FBXL7: variants seen among roughly 807,000 people sequenced by gnomAD.
The protein encoded by FBXL7 is F-box and leucine rich repeat protein 7.
A neutral mutation model predicts 38.3 loss-of-function variants in FBXL7; 12 were observed. The ratio of observed to expected loss-of-function variants is 0.31; its 90% CI spans 0.20 to 0.51. FBXL7 has a LOEUF of 0.51. FBXL7 is among the 20% of genes least tolerant of loss of function. FBXL7 has a pLI of 0.98. For missense variants in FBXL7, 567 were observed against 676.4 expected (o/e 0.84, Z 1.79); for synonymous variants, 297 against 300.9 (o/e 0.99, Z 0.13).
chr5:15,511,655 A>G (rs775619530), intron 1 of FBXL7, among the ~76,000 whole-genome samples: 16 of 152,356 alleles, frequency 1.1e-4, no homozygotes, highest in African/African-American at 3.4e-4. Context: ...TTTGTAAATT[A>G]TAAGGCATTT....
chr5:15,825,816 A>G (rs997499084), intron 2 of FBXL7, among the ~76,000 whole-genome samples: 3 of 152,250 alleles, frequency 2.0e-5, no homozygotes, highest in African/African-American at 7.2e-5. Context: ...TTATAGCATT[A>G]GAATTCTTTA....
chr5:15,621,900 A>G (rs576835095), intron 2 of FBXL7, among the ~76,000 whole-genome samples: 64 of 152,130 alleles, frequency 4.2e-4, no homozygotes, highest in African/African-American at 1.5e-3. Context: ...GATCCAATAC[A>G]CTCATTTTTT....
intron 2 of FBXL7, among the ~76,000 whole-genome samples, chr5:15,748,042 A>C (rs558870458): frequency 2.1e-5 from 3 of 145,006 alleles, no homozygotes; most frequent in African/African-American, 7.4e-5. Flanking sequence ...TTTGCTCCCC[A>C]GGGAACACCT....
intron 2 of FBXL7, among the ~76,000 whole-genome samples, chr5:15,821,805 TTTC>T (rs1198242930): frequency 3.3e-5 from 5 of 152,172 alleles, no homozygotes; most frequent in Non-Finnish European, 4.4e-5. Context: ...AGCAGGGACT[TTTC>T]TGAGCTGTTG....
At chr5:15,571,107 A>AAG (rs920904770) in intron 1 of FBXL7, among the ~76,000 whole-genome samples, 3 of 148,208 alleles carry the variant, frequency 2.0e-5, no homozygotes, top group Non-Finnish European at 4.4e-5. Context: ...AAAAAAAAAA[A>AAG]AAAGAAAAAA....
chr5:15,584,305 C>T (rs1354749032), intron 1 of FBXL7, among the ~76,000 whole-genome samples: 2 of 152,342 alleles, frequency 1.3e-5, no homozygotes, highest in East Asian at 3.9e-4. Flanking sequence ...AATTTCTCTT[C>T]CAGAAAATGG....
chr5:15,576,814 C>T (rs962801769), intron 1 of FBXL7, among the ~76,000 whole-genome samples: 2 of 152,010 alleles, frequency 1.3e-5, no homozygotes, highest in African/African-American at 4.8e-5. Flanking sequence ...CATCTCATTA[C>T]AACAGTCATC....
chr5:15,579,891 T>A (rs1739081997), intron 1 of FBXL7, among the ~76,000 whole-genome samples: 1 of 152,178 alleles, frequency 6.6e-6, no homozygotes, highest in African/African-American at 2.4e-5. Context: ...GCCAAGCTGC[T>A]TACATGGCAG....
intron 2 of FBXL7, among the ~76,000 whole-genome samples, chr5:15,817,925 G>A (rs895262667): frequency 6.6e-6 from 1 of 152,104 alleles, no homozygotes; most frequent in African/African-American, 2.4e-5. Context: ...GCTTTCCTTA[G>A]AGCAATTCCA....
At chr5:15,568,337 C>T (rs1430029077) in intron 1 of FBXL7, among the ~76,000 whole-genome samples, 1 of 152,102 alleles carries the variant, frequency 6.6e-6, no homozygotes, top group African/African-American at 2.4e-5. Flanking sequence ...TTGCATTTCT[C>T]TGGCCAGTGA....
At chr5:15,868,458 C>G (rs1386524924) in intron 2 of FBXL7, among the ~76,000 whole-genome samples, 1 of 152,216 alleles carries the variant, frequency 6.6e-6, no homozygotes, top group Non-Finnish European at 1.5e-5. Flanking sequence ...AAGATACCTT[C>G]TCCGGCATGG....
intron 2 of FBXL7, among the ~76,000 whole-genome samples, chr5:15,821,420 C>A (rs932406908): frequency 6.6e-6 from 1 of 152,164 alleles, no homozygotes; most frequent in African/African-American, 2.4e-5. Flanking sequence ...AAAAACCCGT[C>A]GCACAGGGAG....
At chr5:15,704,372 G>T (rs1197018634) in intron 2 of FBXL7, among the ~76,000 whole-genome samples, 1 of 152,148 alleles carries the variant, frequency 6.6e-6, no homozygotes, top group African/African-American at 2.4e-5. Flanking sequence ...TTTATGGGGG[G>T]TGTTAGTTAC....
chr5:15,837,105 T>G (rs1284393788), intron 2 of FBXL7, among the ~76,000 whole-genome samples: 2 of 152,190 alleles, frequency 1.3e-5, no homozygotes, highest in Admixed American at 6.5e-5. Flanking sequence ...AGATCCCTAA[T>G]ACTTTAGTGA....
rs188713976 is a variant in FBXL7 at position 15,658,887 on chromosome 5, G to T, written c.127+42815G>T. Among the ~76,000 whole-genome samples the T allele has an allele frequency of 4.6e-5, 7 of 152,232 alleles. No individual in the cohort carries two copies. In the East Asian group the frequency reaches 1.4e-3, roughly 29 times the overall value. ...CTGTCTGCCTGTGGATTCCATTTCTGCCTTTTGGTCTTTACTTCTTTTTTT... is the reference window on the plus strand; with the variant it reads ...CTGTCTGCCTGTGGATTCCATTTCTTCCTTTTGGTCTTTACTTCTTTTTTT... On this transcript the variant is annotated intron_variant, in intron 2 of 3. Coordinates refer to ENST00000504595, the MANE Select transcript of FBXL7 (RefSeq NM_012304.5).
intron 1 of FBXL7, among the ~76,000 whole-genome samples, chr5:15,518,761 G>C (rs1402147235): frequency 6.6e-6 from 1 of 152,184 alleles, no homozygotes; most frequent in Admixed American, 6.5e-5. Context: ...CAGGCCCTTC[G>C]TCTCTCCTTG....
intron 2 of FBXL7, among the ~76,000 whole-genome samples, chr5:15,710,203 C>G (rs1743818388): frequency 6.6e-6 from 1 of 152,156 alleles, no homozygotes; most frequent in Admixed American, 6.5e-5. Context: ...AGGCAATGTC[C>G]TTGCAATACG....
chr5:15,623,096 G>T (rs572621407), intron 2 of FBXL7, among the ~76,000 whole-genome samples: 1 of 152,262 alleles, frequency 6.6e-6, no homozygotes, highest in South Asian at 2.1e-4. Context: ...CATAACTTTC[G>T]CTATTTAATT....
intron 1 of FBXL7, among the ~76,000 whole-genome samples, chr5:15,519,555 C>T (rs1221845349): frequency 6.6e-6 from 1 of 152,134 alleles, no homozygotes; most frequent in Non-Finnish European, 1.5e-5. Flanking sequence ...CAAAGTTATG[C>T]TCTATTTCTT....
Sources: gnomAD v4.1 joint callset for allele counts (sites outside exome capture counted in the v4.1 genomes callset) on GRCh38, gnomAD v4.1.1 for gene constraint, MANE v1.5 for transcripts, NCBI Gene and HGNC (gene_info 2026-07-23, HGNC 2026-07-21) for gene names.